The following SATB2 variants were observed in gnomAD, a reference collection of about 807,000 sequenced individuals.
The protein encoded by SATB2 is SATB homeobox 2, also known as DNA-binding protein SATB2.
SATB2 carries 1 observed loss-of-function variant against 73.4 expected under a neutral mutation model. That is an observed-to-expected ratio of 0.01 (90% confidence interval 0.00 to 0.06). The LOEUF (loss-of-function observed/expected upper bound fraction) is 0.06. SATB2 is among the 10% of genes least tolerant of loss of function. The pLI is 1.00. For synonymous variants in SATB2, 397 were observed against 367.0 expected, an observed-to-expected ratio of 1.08 and a Z score of -0.93; for missense variants, 459 against 945.8, an observed-to-expected ratio of 0.49 and a Z score of 6.75.
intron 3 of SATB2, among the ~76,000 whole-genome samples, chr2:199,405,191 T>C (rs1690594303): frequency 6.6e-6 from 1 of 152,202 alleles, no homozygotes; most frequent in Non-Finnish European, 1.5e-5. Context: ...TAAAATTATG[T>C]CCCTTGACTC....
At position 199,464,899 on chromosome 2, in the gene SATB2, C is replaced by A. The variant is rs1329791070; in HGVS notation, c.-204G>T. 1 of 152,258 alleles carries A rather than the reference C, an allele frequency of 6.6e-6. No individual in the cohort carries two copies. The highest frequency in any genetic ancestry group is 1.5e-5 in the Non-Finnish European group (1 of 68,076). 9.4% of individuals were successfully genotyped at this position (152,258 alleles called of 1,614,324 possible). On this transcript the variant is annotated 5_prime_UTR_variant, in exon 1 of 12. Coordinates refer to the SATB2 transcript ENST00000260926. This position sits in a 1 kb window ranked among gnomAD's most constrained non-coding sequence, Gnocchi z 6.6. ...GACGGAGCGAGGGGCTGTGGGTCGG[C>A]GCAGGGACGCTGGCTGCTCACCTCC...
intron 10 of SATB2, among the ~76,000 whole-genome samples, chr2:199,292,105 G>T (rs1692885131): frequency 6.6e-6 from 1 of 152,018 alleles, no homozygotes; most frequent in Non-Finnish European, 1.5e-5. Flanking sequence ...GGCAGAAAGA[G>T]AAAAGGCAAA....
chr2:199,414,414 C>G (rs1690913383), intron 3 of SATB2, among the ~76,000 whole-genome samples: 1 of 152,154 alleles, frequency 6.6e-6, no homozygotes. Flanking sequence ...CTCCTCTTTC[C>G]CCATCCACCC....
At chr2:199,358,430 T>A (rs1017647907) in intron 6 of SATB2, among the ~76,000 whole-genome samples, 1 of 151,846 alleles carries the variant, frequency 6.6e-6, no homozygotes, top group African/African-American at 2.4e-5. Flanking sequence ...AAATATAATT[T>A]AAAAAAATTA....
chr2:199,446,187 C>T (rs1400557916), intron 2 of SATB2, among the ~76,000 whole-genome samples: 3 of 152,088 alleles, frequency 2.0e-5, no homozygotes, highest in Admixed American at 6.6e-5. Flanking sequence ...AGAATAGCAA[C>T]TGATTTATAA....
intron 3 of SATB2, among the ~76,000 whole-genome samples, chr2:199,409,162 C>CTTTTT (rs1690730141): frequency 7.8e-6 from 1 of 127,602 alleles, no homozygotes; most frequent in African/African-American, 2.7e-5. Flanking sequence ...TTTCTTTTTT[C>CTTTTT]TTTTCTTTTT....
intron 3 of SATB2, among the ~76,000 whole-genome samples, chr2:199,417,036 TCACACACACACACACA>T (rs55763647): frequency 2.6e-4 from 38 of 144,160 alleles, no homozygotes; most frequent in Non-Finnish European, 6.0e-5. Flanking sequence ...ACTCCGTCTC[TCACACACACACACACA>T]CACACACACA....
chr2:199,430,594 T>A (rs1044940301), intron 3 of SATB2, among the ~76,000 whole-genome samples: 1 of 152,222 alleles, frequency 6.6e-6, no homozygotes, highest in Non-Finnish European at 1.5e-5. Context: ...ATATCTAGCC[T>A]TCAAATAAAG....
At chr2:199,334,524 C>A (rs1574516542) in intron 7 of SATB2, among the ~76,000 whole-genome samples, 1 of 152,128 alleles carries the variant, frequency 6.6e-6, no homozygotes, top group Admixed American at 6.6e-5. Context: ...CAACCATCCA[C>A]CCTGCCCCCG....
At chr2:199,295,798 T>C (rs936714200) in intron 10 of SATB2, among the ~76,000 whole-genome samples, 6 of 152,190 alleles carry the variant, frequency 3.9e-5, no homozygotes, top group Admixed American at 2.6e-4. Flanking sequence ...GTGAATTTGA[T>C]CTGGAAACAA....
chr2:199,360,165 AC>A (rs1197028336), intron 6 of SATB2, among the ~76,000 whole-genome samples: 1 of 152,172 alleles, frequency 6.6e-6, no homozygotes, highest in Non-Finnish European at 1.5e-5. Context: ...TCTGATTTTC[AC>A]CTGCTGGTCT....
intron 3 of SATB2, among the ~76,000 whole-genome samples, chr2:199,431,968 T>C (rs1253863651): frequency 6.6e-6 from 1 of 152,148 alleles, no homozygotes; most frequent in Non-Finnish European, 1.5e-5. Context: ...GTACATAGCA[T>C]GACATAAAAG....
chr2:199,452,360 A>G (rs146007219), intron 2 of SATB2, among the ~76,000 whole-genome samples: 15 of 152,282 alleles, frequency 9.9e-5, no homozygotes, highest in Admixed American at 9.1e-4. Context: ...GTCCAGGAGA[A>G]AAGCAGAATG....
upstream of SATB2, among the ~76,000 whole-genome samples, chr2:199,461,697 T>C (rs1323300513): frequency 1.3e-5 from 2 of 152,218 alleles, no homozygotes; most frequent in Non-Finnish European, 2.9e-5. Flanking sequence ...CTCCCAAGTT[T>C]TCCTTATGTA....
chr2:199,280,160 C>A (rs558024019), intron 10 of SATB2, among the ~76,000 whole-genome samples: 3 of 152,164 alleles, frequency 2.0e-5, no homozygotes, highest in African/African-American at 7.2e-5. Flanking sequence ...TAATTTCTTA[C>A]GCCGATCTTT....
chr2:199,470,527 G>T (rs1229439277), intron 1 of SATB2: 1 of 152,312 alleles, frequency 6.6e-6, no homozygotes, highest in Non-Finnish European at 1.5e-5. Context: ...AAGAAGCCTG[G>T]TGGCGGGTCA....
chr2:199,381,689 C>A lies in SATB2; in HGVS notation c.473+5G>T, dbSNP rs766077274. Reference sequence around the variant, plus strand: ...AAGGAAAAGCAGATGTTCAGAAACACCCACCTTTGTAATTGGATTTTCAAC... The same window carrying A: ...AAGGAAAAGCAGATGTTCAGAAACAACCACCTTTGTAATTGGATTTTCAAC... On this transcript the variant is annotated splice_donor_5th_base_variant and intron_variant, in intron 4 of 10. Transcript: ENST00000417098. 2.5e-6 allele frequency: 4 copies of A among 1,613,924 alleles called. No homozygotes were observed.
rs76366225 is a variant in SATB2 at position 199,322,973 on chromosome 2, A to G, written c.1542+830T>C. ...AAAGGACTCTCAAAATTATGCTTTA[A>G]CTAACTTTTATTTCCTCCACTCTGC... On this transcript the variant is annotated intron_variant, in intron 9 of 10. Coordinates refer to ENST00000417098, the MANE Select transcript of SATB2 (RefSeq NM_001172509.2). 3.8e-3 allele frequency among the ~76,000 whole-genome samples: 574 copies of G among 152,210 alleles called. 1 individual carries two copies. The highest frequency in any genetic ancestry group is 5.2e-3 in the Admixed American group (79 of 15,282).
At chr2:199,376,321 C>A (rs1689604337) in intron 5 of SATB2, among the ~76,000 whole-genome samples, 1 of 152,204 alleles carries the variant, frequency 6.6e-6, no homozygotes, top group South Asian at 2.1e-4. Flanking sequence ...GCCAAGAACA[C>A]TGTAATAATA....
Sources: allele counts gnomAD v4.1 joint callset (sites outside exome capture counted in the v4.1 genomes callset), GRCh38; gene constraint gnomAD v4.1.1; non-coding constraint Gnocchi (gnomAD v3.1); transcripts MANE v1.5; gene names NCBI Gene and HGNC (gene_info 2026-07-23, HGNC 2026-07-21).